Variants in SLC25A12 observed in about 807,000 individuals in gnomAD.
SLC25A12 encodes the protein electrogenic aspartate/glutamate antiporter SLC25A12, mitochondrial.
Under a neutral mutation model 83.3 loss-of-function variants are expected in SLC25A12, and 32 were observed. The observed-to-expected ratio is 0.38, with a 90% CI of 0.29 to 0.52. The LOEUF (loss-of-function observed/expected upper bound fraction) is 0.52. Ranked by LOEUF, SLC25A12 falls within the 20% of genes least tolerant of loss-of-function variation. The pLI is 0.84. For synonymous variants in SLC25A12, 267 were observed against 291.1 expected, an observed-to-expected ratio of 0.92 and a Z score of 0.84; for missense variants, 611 against 835.6, an observed-to-expected ratio of 0.73 and a Z score of 3.31.
At chr2:171,844,097 GCTT>G (rs1684742188) in intron 5 of SLC25A12, among the ~76,000 whole-genome samples, 1 of 152,132 alleles carries the variant, frequency 6.6e-6, no homozygotes, top group South Asian at 2.1e-4. Flanking sequence ...GAAAGAACTA[GCTT>G]CTAATCTTCT....
intron 2 of SLC25A12, among the ~76,000 whole-genome samples, chr2:171,886,689 T>G (rs1173594109): frequency 2.0e-5 from 3 of 151,998 alleles, no homozygotes; most frequent in Non-Finnish European, 2.9e-5. Context: ...TTTTTGTATT[T>G]TTTGTAGAGA....
chr2:171,855,859 C>G lies in SLC25A12; in HGVS notation c.300G>C (p.Lys100Asn). The G allele has an allele frequency of 6.2e-7, 1 of 1,610,826 alleles. No homozygotes were observed. The highest frequency in any genetic ancestry group is 8.5e-7 in the Non-Finnish European group (1 of 1,177,020). The change falls in exon 4 of 18, where the codon AAG (lysine) becomes AAC (asparagine). Residue 100 changes from lysine to asparagine, a missense_variant. Physicochemically the swap from Lys to Asn is moderately conservative, Grantham distance 94. Transcript: ENST00000422440. ...MFIVAFQLFD[K>N]SGNGEVTFEN... ...CAAATGTCACCTCTCCATTTCCACT[C>G]TTGTCAAACAACTGGAAAGCCACTA...
At chr2:171,859,453 C>T (rs1378148379) in intron 3 of SLC25A12, among the ~76,000 whole-genome samples, 1 of 152,136 alleles carries the variant, frequency 6.6e-6, no homozygotes, top group Non-Finnish European at 1.5e-5. Context: ...GCCTGGGTGA[C>T]AGAGTGAGAC....
chr2:171,866,609 C>G (rs1431140909), intron 3 of SLC25A12, among the ~76,000 whole-genome samples: 1 of 136,000 alleles, frequency 7.4e-6, no homozygotes, highest in Non-Finnish European at 1.6e-5. Flanking sequence ...ACCTCCCTCC[C>G]GGACGGGGCG....
chr2:171,821,920 T>C (rs1200554687), intron 9 of SLC25A12, among the ~76,000 whole-genome samples: 1 of 152,208 alleles, frequency 6.6e-6, no homozygotes, highest in African/African-American at 2.4e-5. Flanking sequence ...AGATCATAAA[T>C]AGAATATCTT....
chr2:171,844,115 T>C (rs1034228827), intron 5 of SLC25A12, among the ~76,000 whole-genome samples: 2 of 152,136 alleles, frequency 1.3e-5, no homozygotes, highest in African/African-American at 4.8e-5. Flanking sequence ...TCTTCTATAG[T>C]TAGGATACAA....
At chr2:171,811,380 C>A (rs539916928) in intron 11 of SLC25A12, among the ~76,000 whole-genome samples, 10 of 152,188 alleles carry the variant, frequency 6.6e-5, no homozygotes, top group Non-Finnish European at 7.3e-5. Flanking sequence ...AACTTTCTAA[C>A]CCTCGTGATT....
chr2:171,891,030 G>C (rs1243715421), intron 2 of SLC25A12, among the ~76,000 whole-genome samples: 2 of 152,210 alleles, frequency 1.3e-5, no homozygotes, highest in African/African-American at 4.8e-5. Context: ...GAATCGGCCA[G>C]GCATGGTGGC....
intron 12 of SLC25A12, among the ~76,000 whole-genome samples, chr2:171,809,922 G>A (rs1683915332): frequency 1.3e-5 from 2 of 152,208 alleles, no homozygotes; most frequent in Non-Finnish European, 2.9e-5. Flanking sequence ...CTGGAGTGCA[G>A]TGGCATGATC....
At chr2:171,808,968 C>T (rs1683894764) in intron 13 of SLC25A12, among the ~76,000 whole-genome samples, 1 of 151,266 alleles carries the variant, frequency 6.6e-6, no homozygotes, top group Non-Finnish European at 1.5e-5. Context: ...GGTTTTCTGT[C>T]CTTGTGACAG....
chr2:171,860,900 A>T (rs1685143472), intron 3 of SLC25A12, among the ~76,000 whole-genome samples: 1 of 152,046 alleles, frequency 6.6e-6, no homozygotes, highest in Non-Finnish European at 1.5e-5. Context: ...TAAGCAACAT[A>T]GAAAGACCCT....
In SLC25A12 at chr2:171,802,964, A is replaced by AGTGTGT. The variant is rs3058855; in HGVS notation, c.1305+6636_1305+6641dup. 4.8e-3 allele frequency among the ~76,000 whole-genome samples: 723 copies of AGTGTGT among 150,256 alleles called. 3 individuals are homozygous for AGTGTGT. The highest frequency in any genetic ancestry group is 0.016 in the African/African-American group (677 of 41,058). On this transcript the variant is annotated intron_variant, in intron 13 of 17. Transcript: ENST00000422440. ...ACAAAACTTCCATCTGGTTTTAAAA[A>AGTGTGT]GTGTGTGTGTGTGTGTGTGTACACA...
In SLC25A12 at chr2:171,803,081, A is replaced by T. The variant is rs140872439; in HGVS notation, c.1305+6525T>A. Among the ~76,000 whole-genome samples, 142 of 152,190 alleles carry T rather than the reference A, an allele frequency of 9.3e-4. 1 individual carries two copies. Among genetic ancestry groups the T allele is most frequent in the African/African-American group, 3.4e-3 (140 of 41,560 alleles). On this transcript the variant is annotated intron_variant, in intron 13 of 17. Coordinates refer to ENST00000422440, the MANE Select transcript of SLC25A12 (RefSeq NM_003705.5). Reference sequence around the variant, plus strand: ...ACCAAAACATTAGCAATCAAAACTAAAACAAAACTGACATTTAGTAATATC... The same window carrying T: ...ACCAAAACATTAGCAATCAAAACTATAACAAAACTGACATTTAGTAATATC...
intron 17 of SLC25A12, 68 bp downstream of exon 17, chr2:171,787,503 G>A: frequency 8.2e-7 from 1 of 1,224,308 alleles, no homozygotes; most frequent in Non-Finnish European, 1.2e-6. Context: ...CAATGCTTTT[G>A]TAGACAGAAC....
chr2:171,828,915 T>G (rs905413419), intron 8 of SLC25A12, among the ~76,000 whole-genome samples: 2 of 152,230 alleles, frequency 1.3e-5, no homozygotes, highest in African/African-American at 4.8e-5. Flanking sequence ...GTCAGAGACA[T>G]CTGACAGACT....
chr2:171,824,228 C>T (rs952304557), intron 9 of SLC25A12, among the ~76,000 whole-genome samples: 3 of 152,134 alleles, frequency 2.0e-5, no homozygotes, highest in African/African-American at 4.8e-5. Flanking sequence ...TGAAGACAGG[C>T]AAATCATCTT....
In SLC25A12 at chr2:171,834,053, T is replaced by A. The variant is rs1684504408; in HGVS notation, c.755A>T (p.Glu252Val). The A allele has an allele frequency of 6.3e-7, 1 of 1,591,086 alleles. No individual in the cohort carries two copies. ...TRKDVEVTKE[E>V]FAQSAIRYGQ... ...ATAGCGTATGGCACTCTGGGCAAAT[T>A]CCTCTGGAACAGAGAAAAAAAAAGT... Residue 252 changes from glutamate (E) to valine (V), a missense_variant, in exon 8 of 18, where the codon GAA becomes GTA. Transcript: ENST00000422440.
chr2:171,877,698 G>C (rs1006215076), intron 2 of SLC25A12, among the ~76,000 whole-genome samples: 4 of 148,432 alleles, frequency 2.7e-5, no homozygotes, highest in African/African-American at 9.9e-5. Flanking sequence ...AAGGATGTAT[G>C]CAACCTATAT....
Position 171,834,760 on chromosome 2 carries a change from C to G in SLC25A12, c.718G>C (p.Ala240Pro). The G allele has an allele frequency of 1.2e-6, 2 of 1,613,774 alleles. No individual in the cohort carries two copies. The highest frequency in any genetic ancestry group is 1.7e-6 in the Non-Finnish European group (2 of 1,179,960). ...ACTTCAACATCTTTCCTTGTGCCAGCTAGAGTGCTATATATCTTACGAACA... is the reference window on the plus strand; with the variant it reads ...ACTTCAACATCTTTCCTTGTGCCAGGTAGAGTGCTATATATCTTACGAACA... Reference protein sequence around the residue: ...ELVRKIYSTLAGTRKDVEVTK... With the variant: ...ELVRKIYSTLPGTRKDVEVTK... The change falls in exon 7 of 18, where the codon GCT (alanine) becomes CCT (proline). Residue 240 changes from alanine to proline, a missense_variant. Coordinates refer to ENST00000422440, the MANE Select transcript of SLC25A12 (RefSeq NM_003705.5).
Sources: allele counts gnomAD v4.1 joint callset (sites outside exome capture counted in the v4.1 genomes callset), GRCh38; gene constraint gnomAD v4.1.1; transcripts MANE v1.5; gene names NCBI Gene and HGNC (gene_info 2026-07-23, HGNC 2026-07-21).